NKAIN3: variants seen among roughly 807,000 people sequenced by gnomAD.
NKAIN3 encodes the protein sodium/potassium-transporting ATPase subunit beta-1-interacting protein 3.
NKAIN3 carries 25 observed loss-of-function variants against 30.2 expected under a neutral mutation model. That is an observed-to-expected ratio of 0.83 (90% CI 0.60 to 1.16). The LOEUF (loss-of-function observed/expected upper bound fraction) is 1.16, where lower values mean the gene tolerates loss of function less well. NKAIN3 is among the 50% of genes most tolerant of loss of function. The probability of loss-of-function intolerance (pLI) is 0.00; values close to 1 mark genes in which losing one functional copy is unlikely to be tolerated. For missense variants in NKAIN3, 225 were observed against 254.1 expected, an observed-to-expected ratio of 0.89 and a Z score of 0.78; for synonymous variants, 91 against 89.6, an observed-to-expected ratio of 1.02 and a Z score of -0.09.
chr8:62,852,108 T>C (rs1819926099), intron 4 of NKAIN3, among the ~76,000 whole-genome samples: 1 of 152,208 alleles, frequency 6.6e-6, no homozygotes, highest in African/African-American at 2.4e-5. Context: ...GTTGGTAAGC[T>C]ATTAATTGTT....
chr8:62,286,267 A>G (rs886821508), intron 1 of NKAIN3, among the ~76,000 whole-genome samples: 3 of 152,198 alleles, frequency 2.0e-5, no homozygotes, highest in African/African-American at 7.2e-5. Flanking sequence ...GTGCATAACA[A>G]CCTTACCTTG....
intron 3 of NKAIN3, among the ~76,000 whole-genome samples, chr8:62,628,083 T>C (rs1811844237): frequency 6.6e-6 from 1 of 152,072 alleles, no homozygotes; most frequent in Non-Finnish European, 1.5e-5. Flanking sequence ...GCTGGTTACG[T>C]TCCATTCATG....
Position 62,330,203 on chromosome 8 carries a change from C to T in NKAIN3, c.54+81076C>T, listed in dbSNP as rs1815293072. Among the ~76,000 whole-genome samples the T allele has an allele frequency of 5.9e-5, 9 of 151,650 alleles. 1 individual carries two copies. The highest frequency in any genetic ancestry group is 5.9e-4 in the Admixed American group (9 of 15,192). On this transcript the variant is annotated intron_variant, in intron 1 of 6. Coordinates refer to ENST00000623646, the MANE Select transcript of NKAIN3 (RefSeq NM_001304533.3). ...CCAGGCCCTGGTTTCATGTGGGCAA[C>T]AGGGGTGATGAATAATGAGGATGGG...
intron 3 of NKAIN3, among the ~76,000 whole-genome samples, chr8:62,691,541 A>C (rs561747203): frequency 5.3e-5 from 8 of 152,242 alleles, no homozygotes; most frequent in Non-Finnish European, 1.0e-4. Context: ...TGTTGTTGCT[A>C]TTGGTTTGTG....
At chr8:62,649,353 G>T (rs1483266874) in intron 3 of NKAIN3, among the ~76,000 whole-genome samples, 1 of 152,144 alleles carries the variant, frequency 6.6e-6, no homozygotes. Flanking sequence ...GCAAACAATT[G>T]TGAGTGACTC....
chr8:62,298,122 A>G (rs1813904228), intron 1 of NKAIN3, among the ~76,000 whole-genome samples: 1 of 139,016 alleles, frequency 7.2e-6, no homozygotes, highest in Non-Finnish European at 1.5e-5. Context: ...GAATTGAACA[A>G]TGAGATCACA....
chr8:62,682,403 G>A (rs1344039747), intron 3 of NKAIN3, among the ~76,000 whole-genome samples: 1 of 152,162 alleles, frequency 6.6e-6, no homozygotes, highest in Non-Finnish European at 1.5e-5. Flanking sequence ...GGGGAACTGG[G>A]AAAAGACCAC....
rs57802569 is a variant in NKAIN3, at chr8:62,978,463, G to A, written c.*13056G>A. 0.094 allele frequency: 14,388 copies of A among 152,352 alleles called. 828 individuals carry two copies. The highest frequency in any genetic ancestry group is 0.21 in the East Asian group (1,067 of 5,158). 9.4% of individuals were successfully genotyped at this position (152,352 alleles called of 1,614,324 possible). A position where few individuals can be genotyped will look rare whatever the true frequency, so the allele number is the denominator to read the frequency against. ...AGTCTGGCTTCAGTGGCTTTGCAGCGCTGCAGTGGGCTCCACTCAGACTGA... is the reference window on the plus strand; with the variant it reads ...AGTCTGGCTTCAGTGGCTTTGCAGCACTGCAGTGGGCTCCACTCAGACTGA... On this transcript the variant is annotated 3_prime_UTR_variant, in exon 7 of 7. Transcript: ENST00000623646.
At chr8:62,946,109 G>A (rs1198955480) in intron 5 of NKAIN3, among the ~76,000 whole-genome samples, 1 of 152,154 alleles carries the variant, frequency 6.6e-6, no homozygotes, top group African/African-American at 2.4e-5. Flanking sequence ...GAAAGGTGGA[G>A]GAGATTTTAA....
At chr8:62,317,857 T>C (rs1173925935) in intron 1 of NKAIN3, among the ~76,000 whole-genome samples, 1 of 152,194 alleles carries the variant, frequency 6.6e-6, no homozygotes, top group African/African-American at 2.4e-5. Context: ...AATCTATAAA[T>C]TACCTTGGGC....
Position 62,423,251 on chromosome 8 carries a change from T to G in NKAIN3, c.55-156288T>G, listed in dbSNP as rs16928894. On this transcript the variant is annotated intron_variant, in intron 1 of 6. Transcript: ENST00000623646. Reference sequence around the variant, plus strand: ...TGTGGAAGGAAGGATAGCCTGAATATTTTAATAGGCAACTAGTCATCTCTG... The same window carrying G: ...TGTGGAAGGAAGGATAGCCTGAATAGTTTAATAGGCAACTAGTCATCTCTG... Among the ~76,000 whole-genome samples, 1,491 of 152,104 alleles carry G rather than the reference T, an allele frequency of 9.8e-3. 16 individuals are homozygous for G. Among genetic ancestry groups the G allele is most frequent in the African/African-American group, 0.03 (1,244 of 41,500 alleles).
At chr8:62,466,999 A>G (rs558459278) in intron 1 of NKAIN3, among the ~76,000 whole-genome samples, 2 of 152,174 alleles carry the variant, frequency 1.3e-5, no homozygotes, top group Admixed American at 6.5e-5. Context: ...ATTCGAATCC[A>G]TGGCCTAACA....
chr8:62,928,890 T>C (rs1822529373), intron 5 of NKAIN3, among the ~76,000 whole-genome samples: 1 of 152,162 alleles, frequency 6.6e-6, no homozygotes, highest in Non-Finnish European at 1.5e-5. Flanking sequence ...CAGAGAAAGG[T>C]TCCCTCGCAG....
chr8:62,791,995 A>C (rs1050869212), intron 4 of NKAIN3, among the ~76,000 whole-genome samples: 7 of 152,150 alleles, frequency 4.6e-5, no homozygotes, highest in Admixed American at 1.3e-4. Context: ...AAGTTAATTA[A>C]AATATTTATC....
intron 1 of NKAIN3, among the ~76,000 whole-genome samples, chr8:62,327,119 G>A (rs1815168618): frequency 1.3e-5 from 2 of 151,926 alleles, no homozygotes; most frequent in African/African-American, 4.8e-5. Context: ...TATGTCTTTT[G>A]TGGAGAAATG....
At chr8:62,806,806 A>G (rs1818302479) in intron 4 of NKAIN3, among the ~76,000 whole-genome samples, 1 of 151,596 alleles carries the variant, frequency 6.6e-6, no homozygotes, top group Non-Finnish European at 1.5e-5. Context: ...AAGTATAATA[A>G]TAATAAAAAA....
At chr8:62,556,841 T>C (rs1809413121) in intron 1 of NKAIN3, among the ~76,000 whole-genome samples, 1 of 152,042 alleles carries the variant, frequency 6.6e-6, no homozygotes, top group East Asian at 1.9e-4. Flanking sequence ...TATTGGACTA[T>C]TTTAACACAC....
intron 3 of NKAIN3, among the ~76,000 whole-genome samples, chr8:62,680,031 G>A (rs571861627): frequency 2.0e-5 from 3 of 152,302 alleles, no homozygotes; most frequent in Admixed American, 1.3e-4. Context: ...TTGGCAAGAT[G>A]CAGTTGAAGG....
chr8:62,281,237 T>G (rs1813175028), intron 1 of NKAIN3, among the ~76,000 whole-genome samples: 1 of 152,152 alleles, frequency 6.6e-6, no homozygotes. Context: ...CTATCATTTT[T>G]TATTGCATCT....
Sources: allele counts gnomAD v4.1 joint callset (sites outside exome capture counted in the v4.1 genomes callset), GRCh38; gene constraint gnomAD v4.1.1; transcripts MANE v1.5; gene names NCBI Gene and HGNC (gene_info 2026-07-23, HGNC 2026-07-21).